Variants in PKHD1 observed in about 807,000 individuals in gnomAD.
PKHD1 encodes fibrocystin.
In PKHD1, 291 loss-of-function variants were observed where a neutral mutation model predicts 412.0. The ratio of observed to expected loss-of-function variants is 0.71; its 90% CI spans 0.64 to 0.78. The LOEUF (loss-of-function observed/expected upper bound fraction) is 0.78. Among genes scored for constraint, PKHD1 ranks in the 30% least tolerant of loss-of-function variants. PKHD1 has a pLI of 0.00. For missense variants in PKHD1, 4,825 were observed against 4,950.7 expected, an observed-to-expected ratio of 0.97 and a Z score of 0.76; for synonymous variants, 1,777 against 1,821.5, an observed-to-expected ratio of 0.98 and a Z score of 0.62.
At chr6:51,709,730 A>T (rs1296721773) in intron 60 of PKHD1, among the ~76,000 whole-genome samples, 1 of 152,228 alleles carries the variant, frequency 6.6e-6, no homozygotes, top group African/African-American at 2.4e-5. Flanking sequence ...TGTGAAATAC[A>T]TTGCAAATAA....
intron 27 of PKHD1, among the ~76,000 whole-genome samples, chr6:52,039,263 C>T (rs1273782847): frequency 6.6e-6 from 1 of 152,196 alleles, no homozygotes; most frequent in Non-Finnish European, 1.5e-5. Context: ...TATGGTTTGG[C>T]TCTGCGTCCT....
chr6:51,659,919 A>G lies in PKHD1; in HGVS notation c.10207T>C (p.Phe3403Leu), dbSNP rs773610449. Residue 3403 changes from phenylalanine (F) to leucine (L), a missense_variant, in exon 61 of 67, where the codon TTC (phenylalanine) becomes CTC (leucine). By Grantham distance (22) the Phe-to-Leu change is conservative. Coordinates refer to ENST00000371117, the MANE Select transcript of PKHD1 (RefSeq NM_138694.4). ...ACTTGGTCAGTCTGTTTGCAGATGA[A>G]TCCTTGCATCAGAAATTGGTATGTA... is the stretch of plus-strand genomic sequence containing the variant. ...KCTYQFLMQG[F>L]ICKQTDQVVL... The G allele has an allele frequency of 4.4e-5, 71 of 1,612,496 alleles. No homozygotes were observed. Among genetic ancestry groups the G allele is most frequent in the Non-Finnish European group, 5.5e-5 (65 of 1,178,774 alleles).
chr6:51,936,607 C>A (rs566916468), intron 36 of PKHD1, among the ~76,000 whole-genome samples: 138 of 152,218 alleles, frequency 9.1e-4, no homozygotes, highest in Non-Finnish European at 1.6e-3. Context: ...AATTTTAAGT[C>A]CCCCAAACCA....
chr6:52,024,549 G>GTGC, intron 32 of PKHD1, 25 bp downstream of exon 32: 1 of 1,601,210 alleles, frequency 6.2e-7, no homozygotes, highest in Non-Finnish European at 8.6e-7. Flanking sequence ...TAAAGAAAGT[G>GTGC]TGCTGTCTTA....
intron 57 of PKHD1, among the ~76,000 whole-genome samples, chr6:51,752,148 G>A (rs1786206352): frequency 6.6e-6 from 1 of 152,096 alleles, no homozygotes; most frequent in Admixed American, 6.6e-5. Context: ...ACCTTAGAAT[G>A]GGGTTCTTAA....
intron 60 of PKHD1, among the ~76,000 whole-genome samples, chr6:51,666,887 T>C (rs1163513081): frequency 1.3e-5 from 2 of 152,116 alleles, no homozygotes; most frequent in South Asian, 2.1e-4. Flanking sequence ...TCACATTTTA[T>C]GGCTCCATAG....
intron 61 of PKHD1, among the ~76,000 whole-genome samples, chr6:51,655,523 C>T (rs898003524): frequency 1.3e-4 from 20 of 152,136 alleles, no homozygotes; most frequent in African/African-American, 4.8e-4. Context: ...CTCACCCTCA[C>T]AGTAACTGTT....
chr6:51,802,557 T>C (rs139695015), intron 52 of PKHD1, among the ~76,000 whole-genome samples: 1 of 151,728 alleles, frequency 6.6e-6, no homozygotes, highest in Non-Finnish European at 1.5e-5. Flanking sequence ...AGCGCCAAAC[T>C]TATTTTCCTA....
intron 48 of PKHD1, 61 bp from the exon 49 acceptor site, chr6:51,856,131 A>G: frequency 1.1e-6 from 1 of 949,568 alleles, no homozygotes; most frequent in East Asian, 2.4e-5. Context: ...TTCTGAATCC[A>G]ATACATTCCT....
intron 52 of PKHD1, among the ~76,000 whole-genome samples, chr6:51,830,429 AC>A (rs981646904): frequency 7.2e-5 from 11 of 152,176 alleles, no homozygotes; most frequent in Non-Finnish European, 1.3e-4. Context: ...ACTCATAGCA[AC>A]CGAAGAGCTT....
At chr6:51,994,813 G>A (rs1393111753) in intron 35 of PKHD1, among the ~76,000 whole-genome samples, 2 of 152,040 alleles carry the variant, frequency 1.3e-5, no homozygotes, top group East Asian at 1.9e-4. Flanking sequence ...AGACTCCTGG[G>A]CACAAGTGAT....
At chr6:51,995,840 A>G (rs1797650920) in intron 35 of PKHD1, among the ~76,000 whole-genome samples, 1 of 152,168 alleles carries the variant, frequency 6.6e-6, no homozygotes, top group Admixed American at 6.5e-5. Context: ...GACTAGTTCT[A>G]ACATTCTAGA....
intron 60 of PKHD1, among the ~76,000 whole-genome samples, chr6:51,699,921 G>GTGTGTA (rs1491301688): frequency 0.13 from 258 of 1,936 alleles, 5 homozygotes; most frequent in Admixed American, 0.18. Context: ...TATATATGGA[G>GTGTGTA]TGTGTGTGTG....
Position 51,744,525 on chromosome 6 carries a change from AC to A in PKHD1, c.10015del (p.Val3339Ter). On this transcript the variant is annotated frameshift_variant, in exon 60 of 67. Transcript: ENST00000371117. LOFTEE classifies it high-confidence loss of function. Reference sequence around the variant, plus strand: ...TGCACAGTCTAATTCAGGACAGACTACTTTTCCTAAATCTTTCCTGTGAAGA... The same window carrying A: ...TGCACAGTCTAATTCAGGACAGACTATTTTCCTAAATCTTTCCTGTGAAGA... Reference protein sequence around the residue: ...SLQPRKDLGKVVCPELDCASP... With the variant: ...SLQPRKDLGKXVCPELDCASP... 1 of 1,613,076 alleles carries A rather than the reference AC, an allele frequency of 6.2e-7. No individual in the cohort carries two copies. The highest frequency in any genetic ancestry group is 8.5e-7 in the Non-Finnish European group (1 of 1,179,082).
At chr6:51,883,869 A>G (rs1391997669) in intron 45 of PKHD1, among the ~76,000 whole-genome samples, 1 of 152,144 alleles carries the variant, frequency 6.6e-6, no homozygotes, top group African/African-American at 2.4e-5. Context: ...GCTGATTACA[A>G]AAAAAACTTG....
In PKHD1 at chr6:51,616,893, A is replaced by C; in HGVS notation, c.*2188T>G. The C allele has an allele frequency of 2.6e-6, 1 of 385,970 alleles. No homozygotes were observed. Among genetic ancestry groups the C allele is most frequent in the Non-Finnish European group, 4.6e-6 (1 of 218,344 alleles). 23.9% of individuals were successfully genotyped at this position (385,970 alleles called of 1,614,324 possible). On this transcript the variant is annotated 3_prime_UTR_variant, in exon 67 of 67. Coordinates refer to ENST00000371117, the MANE Select transcript of PKHD1 (RefSeq NM_138694.4). ...CTTTGTGAAGGGCGAAATAGAATGA[A>C]GAGTCATGACTGACTTCTAGATTTC...
chr6:51,897,537 C>T lies in PKHD1; in HGVS notation c.6996+6060G>A, dbSNP rs1198234349. Among the ~76,000 whole-genome samples the T allele has an allele frequency of 1.6e-3, 235 of 143,626 alleles. 1 individual carries two copies. Among genetic ancestry groups the T allele is most frequent in the Non-Finnish European group, 2.7e-3 (178 of 66,790 alleles). The allele number at this position is 143,626 out of a possible 152,430, so 94.2% of individuals were successfully genotyped here. A position where few individuals can be genotyped will look rare whatever the true frequency, so the allele number is the denominator to read the frequency against. ...AGCACTAAACATGGAATGGAACAAC[C>T]GGTACCAGCCACTGCAAAATCATGC... On this transcript the variant is annotated intron_variant, in intron 43 of 66. Transcript: ENST00000371117.
At position 51,618,974 on chromosome 6, in the gene PKHD1, C is replaced by T; in HGVS notation, c.*107G>A. 1 of 1,021,682 alleles carries T rather than the reference C, an allele frequency of 9.8e-7. No individual in the cohort carries two copies. Among genetic ancestry groups the T allele is most frequent in the Non-Finnish European group, 1.5e-6 (1 of 646,166 alleles). 63.3% of individuals were successfully genotyped at this position (1,021,682 alleles called of 1,614,324 possible). On this transcript the variant is annotated 3_prime_UTR_variant, in exon 67 of 67. Transcript: ENST00000371117. ...GAAAAAGGGATTCAGAGTCCACATTCTCTCTTCTTAGTTGTCCCAGCAGGA... is the reference window on the plus strand; with the variant it reads ...GAAAAAGGGATTCAGAGTCCACATTTTCTCTTCTTAGTTGTCCCAGCAGGA...
At chr6:51,853,478 G>A (rs7749443) in intron 49 of PKHD1, among the ~76,000 whole-genome samples, 61,218 of 151,994 alleles carry the variant, frequency 0.4, 13,520 homozygotes, top group East Asian at 0.85. Flanking sequence ...TGTCTTGCTA[G>A]GTTGGGGAAC....
Sources: allele counts gnomAD v4.1 joint callset (sites outside exome capture counted in the v4.1 genomes callset), GRCh38; gene constraint gnomAD v4.1.1; transcripts MANE v1.5; gene names NCBI Gene and HGNC (gene_info 2026-07-23, HGNC 2026-07-21).